PLPPR1: variants seen among roughly 807,000 people sequenced by gnomAD.
PLPPR1 encodes the protein phospholipid phosphatase related 1, also known as phospholipid phosphatase-related protein type 1.
Under a neutral mutation model 33.1 loss-of-function variants are expected in PLPPR1, and 10 were observed. The ratio of observed to expected loss-of-function variants is 0.30; its 90% CI spans 0.19 to 0.51. The LOEUF (loss-of-function observed/expected upper bound fraction) is 0.51, where lower values mean the gene tolerates loss of function less well. Ranked by LOEUF, PLPPR1 falls within the 20% of genes least tolerant of loss-of-function variation. The pLI, the probability that PLPPR1 is intolerant of heterozygous loss-of-function variation, is 0.97. For synonymous variants in PLPPR1, 151 were observed against 151.0 expected (o/e 1.00, Z 0.00); for missense variants, 304 against 408.1 (o/e 0.74, Z 2.20).
intron 1 of PLPPR1, among the ~76,000 whole-genome samples, chr9:101,137,588 T>C (rs1831392426): frequency 6.6e-6 from 1 of 152,172 alleles, no homozygotes; most frequent in Admixed American, 6.5e-5. Flanking sequence ...AGCTTTCATT[T>C]GCCTCCTTAG....
At chr9:101,239,230 T>TACCC (rs1414091224) in intron 2 of PLPPR1, among the ~76,000 whole-genome samples, 1 of 151,958 alleles carries the variant, frequency 6.6e-6, no homozygotes, top group Non-Finnish European at 1.5e-5. Context: ...TTTGGATGAA[T>TACCC]ACCCAGTAGT....
chr9:101,312,615 G>A (rs1166957304), intron 5 of PLPPR1, among the ~76,000 whole-genome samples, 183 bp from the exon 6 acceptor site: 1 of 152,142 alleles, frequency 6.6e-6, no homozygotes, highest in African/African-American at 2.4e-5. Flanking sequence ...TTGCTGCACT[G>A]ATTTCCTACC....
intron 2 of PLPPR1, among the ~76,000 whole-genome samples, chr9:101,238,752 C>A (rs896786538): frequency 2.6e-5 from 4 of 151,758 alleles, no homozygotes; most frequent in African/African-American, 9.7e-5. Flanking sequence ...ATTCGTGTCA[C>A]AAAACTGCAC....
intron 2 of PLPPR1, among the ~76,000 whole-genome samples, chr9:101,223,714 T>G (rs1827001696): frequency 6.6e-6 from 1 of 152,066 alleles, no homozygotes; most frequent in African/African-American, 2.4e-5. Flanking sequence ...TGTGAAGAGG[T>G]GCCTTCTGCC....
chr9:101,166,603 A>G (rs919826238), intron 1 of PLPPR1, among the ~76,000 whole-genome samples: 4 of 152,236 alleles, frequency 2.6e-5, no homozygotes, highest in African/African-American at 9.6e-5. Flanking sequence ...AGTTTGCAGT[A>G]TTAAAAAGAA....
Position 101,210,566 on chromosome 9 carries a change from C to T in PLPPR1, c.63+25009C>T, listed in dbSNP as rs150055626. On this transcript the variant is annotated intron_variant, in intron 2 of 7. Coordinates refer to ENST00000374874, the MANE Select transcript of PLPPR1 (RefSeq NM_207299.2). ...AATTTTTCTTCAAAATTTGGCCTTG[C>T]GTCATATGAATATGATGGATTTGAC... Among the ~76,000 whole-genome samples, 57 of 152,060 alleles carry T rather than the reference C, an allele frequency of 3.7e-4. 2 individuals carry two copies. Among genetic ancestry groups the T allele is most frequent in the South Asian group, 3.1e-3 (15 of 4,812 alleles).
rs115500341 is a variant in PLPPR1 at position 101,183,924 on chromosome 9, A to C, written c.-45-1526A>C. The stretch of plus-strand genomic sequence containing the variant: ...TGCCTCTGCCTTCTTGAACATGATT[A>C]ATATTTAATTTTCTTTTCAGATATA... On this transcript the variant is annotated intron_variant, in intron 1 of 7. Coordinates refer to ENST00000374874, the MANE Select transcript of PLPPR1 (RefSeq NM_207299.2). Among the ~76,000 whole-genome samples the C allele has an allele frequency of 5.0e-3, 763 of 151,772 alleles. 11 individuals are homozygous for C. The highest frequency in any genetic ancestry group is 0.017 in the Middle Eastern group (5 of 294).
At chr9:101,201,683 A>T (rs901601634) in intron 2 of PLPPR1, among the ~76,000 whole-genome samples, 2 of 152,196 alleles carry the variant, frequency 1.3e-5, no homozygotes, top group Non-Finnish European at 2.9e-5. Flanking sequence ...TTACAAGACA[A>T]TCCAGCTAGA....
intron 1 of PLPPR1, among the ~76,000 whole-genome samples, chr9:101,054,937 G>A (rs1830263933): frequency 6.6e-6 from 1 of 152,202 alleles, no homozygotes; most frequent in Non-Finnish European, 1.5e-5. Context: ...GGGACGGTCT[G>A]TGGCAGGAGG....
At chr9:101,167,741 G>A (rs1825881783) in intron 1 of PLPPR1, among the ~76,000 whole-genome samples, 1 of 152,112 alleles carries the variant, frequency 6.6e-6, no homozygotes, top group African/African-American at 2.4e-5. Context: ...TCAAACAAGA[G>A]CTTCTATCTA....
At chr9:101,029,784 CG>C (rs1829919321) in intron 1 of PLPPR1, among the ~76,000 whole-genome samples, 1 of 152,118 alleles carries the variant, frequency 6.6e-6, no homozygotes, top group South Asian at 2.1e-4. Flanking sequence ...GAACGGAGGA[CG>C]CTAGGATCTC....
intron 1 of PLPPR1, among the ~76,000 whole-genome samples, chr9:101,169,608 A>C (rs1408289031): frequency 6.6e-6 from 1 of 152,138 alleles, no homozygotes. Context: ...TTGTTGTCTT[A>C]AAAAGACTAG....
chr9:101,176,075 G>A (rs927909966), intron 1 of PLPPR1, among the ~76,000 whole-genome samples: 8 of 152,158 alleles, frequency 5.3e-5, no homozygotes, highest in Non-Finnish European at 7.3e-5. Flanking sequence ...ATGCCAATAG[G>A]AGCGGACAAA....
intron 2 of PLPPR1, among the ~76,000 whole-genome samples, chr9:101,188,367 T>C (rs1319685942): frequency 1.3e-5 from 2 of 152,126 alleles, no homozygotes; most frequent in Non-Finnish European, 2.9e-5. Context: ...TGAAGAAATT[T>C]TAAAAACCTC....
chr9:101,278,786 C>T (rs542899396), intron 3 of PLPPR1, among the ~76,000 whole-genome samples: 17 of 152,242 alleles, frequency 1.1e-4, no homozygotes, highest in African/African-American at 2.6e-4. Context: ...GTTGTACTAC[C>T]GCTGGCTTGA....
intron 1 of PLPPR1, among the ~76,000 whole-genome samples, chr9:101,070,813 C>T (rs962258009): frequency 2.6e-5 from 4 of 152,150 alleles, no homozygotes; most frequent in Non-Finnish European, 5.9e-5. Context: ...GTAAATTCAA[C>T]GAGCGCACAG....
intron 1 of PLPPR1, among the ~76,000 whole-genome samples, chr9:101,113,277 T>G (rs1326320147): frequency 6.6e-6 from 1 of 152,030 alleles, no homozygotes; most frequent in South Asian, 2.1e-4. Flanking sequence ...CTGGTTCTGA[T>G]TTACTTGAAC....
chr9:101,097,415 T>C (rs898308185), intron 1 of PLPPR1, among the ~76,000 whole-genome samples: 3 of 152,174 alleles, frequency 2.0e-5, no homozygotes, highest in African/African-American at 7.2e-5. Context: ...TATTGTGCCA[T>C]CTACAGGAGC....
At chr9:101,079,197 G>T (rs889867154) in intron 1 of PLPPR1, among the ~76,000 whole-genome samples, 3 of 152,038 alleles carry the variant, frequency 2.0e-5, no homozygotes, top group African/African-American at 7.2e-5. Flanking sequence ...TTCTGACCTG[G>T]CCCAGTCTGG....
Sources: allele counts gnomAD v4.1 joint callset (sites outside exome capture counted in the v4.1 genomes callset), GRCh38; gene constraint gnomAD v4.1.1; transcripts MANE v1.5; gene names NCBI Gene and HGNC (gene_info 2026-07-23, HGNC 2026-07-21).